Variants in VPS8 observed in about 807,000 individuals in gnomAD.
VPS8 encodes the protein VPS8 subunit of CORVET complex.
In VPS8, 129 loss-of-function variants were observed where a neutral mutation model predicts 216.4. The ratio of observed to expected loss-of-function variants is 0.60; its 90% CI spans 0.52 to 0.69. VPS8 has a LOEUF of 0.69. Among genes scored for constraint, VPS8 ranks in the 30% least tolerant of loss-of-function variants. VPS8 has a pLI of 0.00. For synonymous variants in VPS8, 571 were observed against 565.4 expected (o/e 1.01, Z -0.14); for missense variants, 1,531 against 1,683.5 (o/e 0.91, Z 1.59).
intron 16 of VPS8, among the ~76,000 whole-genome samples, chr3:184,863,445 A>G (rs1726751676): frequency 6.6e-6 from 1 of 152,214 alleles, no homozygotes; most frequent in Non-Finnish European, 1.5e-5. Context: ...ATAACTACAG[A>G]CAGGTACTCT....
At chr3:184,958,758 C>A (rs942644374) in intron 37 of VPS8, among the ~76,000 whole-genome samples, 5 of 151,996 alleles carry the variant, frequency 3.3e-5, no homozygotes, top group Non-Finnish European at 7.4e-5. Flanking sequence ...CAGATTTAGT[C>A]AAATTGCAAG....
At chr3:184,818,521 C>CAA (rs11310520) in intron 1 of VPS8, among the ~76,000 whole-genome samples, 18 of 89,274 alleles carry the variant, frequency 2.0e-4, no homozygotes, top group African/African-American at 5.6e-4. Flanking sequence ...GAACCTGTCT[C>CAA]AAAAAAAAAA....
At chr3:184,892,248 T>G (rs1732481846) in intron 22 of VPS8, among the ~76,000 whole-genome samples, 1 of 152,190 alleles carries the variant, frequency 6.6e-6, no homozygotes, top group African/African-American at 2.4e-5. Flanking sequence ...TATTTTGAGA[T>G]AGAGTTTCGC....
In VPS8 at chr3:184,928,406, T is replaced by A. The variant is rs750658673; in HGVS notation, c.2632-45T>A. 3 of 1,453,168 alleles carry A rather than the reference T, an allele frequency of 2.1e-6. No homozygotes were observed. The South Asian group carries it at 4.2e-5, about 20-fold the overall frequency. 90.0% of individuals were successfully genotyped at this position (1,453,168 alleles called of 1,614,324 possible). On this transcript the variant is annotated intron_variant, in intron 31 of 47. Transcript: ENST00000625842. Reference sequence around the variant, plus strand: ...ATGGCTGAATGCACTCTTAAAGAGCTAGTAAATTCTCAAGTGTTTTTACTC... The same window carrying A: ...ATGGCTGAATGCACTCTTAAAGAGCAAGTAAATTCTCAAGTGTTTTTACTC...
At chr3:184,839,994 C>A in intron 7 of VPS8, 1 of 971,720 alleles carries the variant, frequency 1.0e-6, no homozygotes, top group Non-Finnish European at 1.3e-6. Flanking sequence ...ATTGATCTCT[C>A]TGCAAACCTA....
intron 42 of VPS8, among the ~76,000 whole-genome samples, chr3:184,989,007 A>C (rs765690130): frequency 1.2e-3 from 181 of 152,356 alleles, no homozygotes; most frequent in Middle Eastern, 0.01. Flanking sequence ...TAACTTTGCT[A>C]TAATCACTTA....
intron 25 of VPS8, among the ~76,000 whole-genome samples, chr3:184,908,815 C>G (rs1006922784): frequency 2.6e-5 from 4 of 152,182 alleles, no homozygotes; most frequent in African/African-American, 9.7e-5. Context: ...TCCCACTACC[C>G]GAAGGCGGGC....
At chr3:184,869,366 A>C (rs1209829373) in intron 19 of VPS8, 116 bp from the exon 20 acceptor site, 1 of 1,074,966 alleles carries the variant, frequency 9.3e-7, no homozygotes, top group Non-Finnish European at 1.3e-6. Context: ...GATAGCTAAG[A>C]ATTGTTACAA....
chr3:185,024,431 T>C (rs1287955611), intron 46 of VPS8, 42 bp downstream of exon 46: 8 of 1,541,162 alleles, frequency 5.2e-6, no homozygotes, highest in Non-Finnish European at 7.1e-6. Context: ...CTTCCTTCTG[T>C]ATGTTTATTC....
chr3:185,020,332 A>T (rs1756464933), intron 45 of VPS8, among the ~76,000 whole-genome samples: 2 of 152,234 alleles, frequency 1.3e-5, no homozygotes, highest in South Asian at 4.1e-4. Flanking sequence ...AAGATCACAA[A>T]GCAGTGATTC....
chr3:185,013,935 A>G (rs1404547204), intron 45 of VPS8, among the ~76,000 whole-genome samples: 1 of 152,168 alleles, frequency 6.6e-6, no homozygotes, highest in Non-Finnish European at 1.5e-5. Context: ...ATCTTCCCAA[A>G]CAAGTACATT....
At chr3:184,966,353 A>G (rs149035965) in intron 38 of VPS8, among the ~76,000 whole-genome samples, 28 of 152,310 alleles carry the variant, frequency 1.8e-4, no homozygotes, top group African/African-American at 6.5e-4. Flanking sequence ...TCACATTTCA[A>G]CATGAGATTT....
intron 43 of VPS8, among the ~76,000 whole-genome samples, chr3:184,995,063 C>T (rs1278702546): frequency 6.6e-6 from 1 of 152,238 alleles, no homozygotes; most frequent in African/African-American, 2.4e-5. Context: ...TCCCTCCCAC[C>T]ACACGTGGTA....
chr3:184,883,547 G>C (rs1730640449), intron 21 of VPS8, among the ~76,000 whole-genome samples: 1 of 152,018 alleles, frequency 6.6e-6, no homozygotes, highest in South Asian at 2.1e-4. Context: ...TGATCAATCT[G>C]TCACCAAACC....
intron 14 of VPS8, among the ~76,000 whole-genome samples, chr3:184,858,213 G>A (rs1321079636): frequency 6.6e-6 from 1 of 152,174 alleles, no homozygotes; most frequent in Non-Finnish European, 1.5e-5. Context: ...AAGGATGACT[G>A]AGGATATAGA....
chr3:185,033,644 C>T (rs922664922), intron 46 of VPS8, among the ~76,000 whole-genome samples: 1 of 152,178 alleles, frequency 6.6e-6, no homozygotes, highest in Non-Finnish European at 1.5e-5. Flanking sequence ...TACCTAGGAC[C>T]ATGATTGCTG....
intron 7 of VPS8, 69 bp from the exon 8 acceptor site, chr3:184,843,171 C>T: frequency 8.0e-7 from 1 of 1,248,596 alleles, no homozygotes; most frequent in Non-Finnish European, 1.1e-6. Context: ...CCTGCCTTTT[C>T]TTCGAACTTT....
At position 184,824,556 on chromosome 3, in the gene VPS8, C is replaced by A; in HGVS notation, c.-77C>A. On this transcript the variant is annotated 5_prime_UTR_variant, in exon 2 of 48. Coordinates refer to ENST00000625842, the MANE Select transcript of VPS8 (RefSeq NM_001009921.3). ...CTTTTTTTGAAAAGAGATAATCATT[C>A]AGGTCTTCGTGAGCTAAGGCCAAAC... 1 of 1,409,440 alleles carries A rather than the reference C, an allele frequency of 7.1e-7. No homozygotes were observed. Among genetic ancestry groups the A allele is most frequent in the Non-Finnish European group, 9.7e-7 (1 of 1,035,936 alleles). 87.3% of individuals were successfully genotyped at this position (1,409,440 alleles called of 1,614,324 possible).
chr3:184,868,541 C>A (rs566072652), intron 18 of VPS8, among the ~76,000 whole-genome samples: 1 of 152,188 alleles, frequency 6.6e-6, no homozygotes, highest in Non-Finnish European at 1.5e-5. Context: ...TTCCACTTAT[C>A]GTTAGCCAGA....
Sources: allele counts gnomAD v4.1 joint callset (sites outside exome capture counted in the v4.1 genomes callset), GRCh38; gene constraint gnomAD v4.1.1; transcripts MANE v1.5; gene names NCBI Gene and HGNC (gene_info 2026-07-23, HGNC 2026-07-21).